TXNRD1: variants seen among roughly 807,000 people sequenced by gnomAD.
The protein encoded by TXNRD1 is thioredoxin reductase 1, cytoplasmic.
In TXNRD1, 57 loss-of-function variants were observed where a neutral mutation model predicts 80.3. The observed-to-expected ratio is 0.71, with a 90% CI of 0.57 to 0.89. The LOEUF is 0.89. Ranked by LOEUF, TXNRD1 falls within the 40% of genes least tolerant of loss-of-function variation. TXNRD1 has a pLI of 0.00. For synonymous variants in TXNRD1, 291 were observed against 285.2 expected (o/e 1.02, Z -0.20); for missense variants, 730 against 803.0 (o/e 0.91, Z 1.10).
chr12:104,327,912 A>G (rs1174679903), intron 13 of TXNRD1, among the ~76,000 whole-genome samples: 4 of 151,486 alleles, frequency 2.6e-5, no homozygotes, highest in Non-Finnish European at 4.4e-5. Context: ...TGTAATCCCA[A>G]TACTTTGGGA....
chr12:104,297,516 C>T (rs1423680270), intron 4 of TXNRD1, among the ~76,000 whole-genome samples: 1 of 151,966 alleles, frequency 6.6e-6, no homozygotes, highest in Non-Finnish European at 1.5e-5. Flanking sequence ...CAGGCATGCG[C>T]CACCACGTCT....
chr12:104,241,875 T>C (rs1056048775), intron 1 of TXNRD1, among the ~76,000 whole-genome samples: 4 of 151,412 alleles, frequency 2.6e-5, no homozygotes, highest in Non-Finnish European at 5.9e-5. Context: ...AAAGGTGATA[T>C]GCTAAGAAAA....
intron 1 of TXNRD1, chr12:104,224,862 C>T (rs1240052784): frequency 2.2e-6 from 1 of 456,694 alleles, no homozygotes; most frequent in Non-Finnish European, 4.4e-6. Context: ...CTCTCTGCCC[C>T]TGACTCACTG....
intron 1 of TXNRD1, among the ~76,000 whole-genome samples, chr12:104,238,615 A>C (rs995977738): frequency 3.9e-5 from 6 of 152,180 alleles, no homozygotes; most frequent in Non-Finnish European, 8.8e-5. Context: ...AGACTCTGTC[A>C]AATGTTTGTA....
At chr12:104,225,354 T>C (rs2032448245) in intron 1 of TXNRD1, among the ~76,000 whole-genome samples, 1 of 152,234 alleles carries the variant, frequency 6.6e-6, no homozygotes, top group African/African-American at 2.4e-5. Flanking sequence ...TGGAAGCTAG[T>C]GTACTTAACC....
intron 3 of TXNRD1, among the ~76,000 whole-genome samples, chr12:104,268,907 G>C (rs944154844): frequency 4.2e-4 from 61 of 143,830 alleles, no homozygotes; most frequent in African/African-American, 1.5e-3. Context: ...TAAATCCGTT[G>C]TTGTCATTTC....
In TXNRD1 at chr12:104,265,376, A is replaced by G. The variant is rs554739338; in HGVS notation, c.304+7297A>G. The G allele has an allele frequency of 5.2e-4, 836 of 1,608,050 alleles. 3 individuals carry two copies. In the East Asian group the frequency reaches 0.018, roughly 35 times the overall value. ...CGCTGCCTGCCCACCCCCAAATGCC[A>G]CACGCCGCCCCTCTACCGCATGCGA... On this transcript the variant is annotated intron_variant, in intron 3 of 16. Coordinates refer to ENST00000525566, the MANE Select transcript of TXNRD1 (RefSeq NM_001093771.3).
chr12:104,279,764 C>CA (rs1192923382), intron 3 of TXNRD1, among the ~76,000 whole-genome samples: 1 of 151,730 alleles, frequency 6.6e-6, no homozygotes, highest in Non-Finnish European at 1.5e-5. Context: ...TTAGACAAAC[C>CA]AAAAAAACCA....
At chr12:104,251,137 T>C (rs968331813) in intron 1 of TXNRD1, among the ~76,000 whole-genome samples, 2 of 152,174 alleles carry the variant, frequency 1.3e-5, no homozygotes, top group African/African-American at 4.8e-5. Context: ...AGGGTTGTGT[T>C]GGAAGGGGAC....
chr12:104,253,288 AT>A (rs2033170472), intron 2 of TXNRD1, among the ~76,000 whole-genome samples: 1 of 152,162 alleles, frequency 6.6e-6, no homozygotes, highest in African/African-American at 2.4e-5. Flanking sequence ...TCCTGAACAC[AT>A]TCTGCATCGA....
intron 14 of TXNRD1, among the ~76,000 whole-genome samples, chr12:104,332,622 G>A (rs1193755461): frequency 2.0e-5 from 3 of 151,824 alleles, no homozygotes; most frequent in Middle Eastern, 3.2e-3. Context: ...GGTGGTGCAT[G>A]CCTGTAATCC....
chr12:104,325,078 C>T lies in TXNRD1; in HGVS notation c.1216-259C>T, dbSNP rs535965986. Among the ~76,000 whole-genome samples the T allele has an allele frequency of 7.2e-5, 11 of 152,156 alleles. 1 individual carries two copies. In the South Asian group the frequency reaches 1.9e-3, roughly 26 times the overall value. On this transcript the variant is annotated intron_variant, in intron 10 of 16. Transcript: ENST00000525566. ...AGTGTGCTTTCTGTAGCTTGCTTTT[C>T]CCCCCCATTTTTCTCTGAATTTTAT...
At chr12:104,244,319 A>T (rs1175830247) in intron 1 of TXNRD1, among the ~76,000 whole-genome samples, 1 of 152,162 alleles carries the variant, frequency 6.6e-6, no homozygotes, top group East Asian at 1.9e-4. Context: ...TCCTTTAGTA[A>T]TCCCTTTACT....
At position 104,308,185 on chromosome 12, in the gene TXNRD1, C is replaced by T. The variant is rs764131158; in HGVS notation, c.415-3105C>T. 1.4e-4 allele frequency among the ~76,000 whole-genome samples: 22 copies of T among 152,100 alleles called. 2 individuals carry two copies. The highest frequency in any genetic ancestry group is 9.2e-4 in the Admixed American group (14 of 15,256). On this transcript the variant is annotated intron_variant, in intron 4 of 16. Transcript: ENST00000525566. ...TAATTTTTTATATTTGTAGTAGAGA[C>T]GGGGTTTCACCGTGTTAGCCAGGAT...
intron 1 of TXNRD1, among the ~76,000 whole-genome samples, chr12:104,217,318 G>GTT (rs59546712): frequency 7.9e-6 from 1 of 126,132 alleles, no homozygotes; most frequent in African/African-American, 3.0e-5. Context: ...TAACAATTTT[G>GTT]TTTTTTTTTT....
rs1218535411 is a variant in TXNRD1 at position 104,231,251 on chromosome 12, A to G, written c.91+15358A>G. The stretch of plus-strand genomic sequence containing the variant: ...TAACTGCTGTTAGGGGGTTTTGGGC[A>G]ACAACTATTTCTGGCTACTTCCTGC... On this transcript the variant is annotated intron_variant, in intron 1 of 16. Transcript: ENST00000525566. Among the ~76,000 whole-genome samples, 7 of 152,272 alleles carry G rather than the reference A, an allele frequency of 4.6e-5. 1 individual carries two copies. In the East Asian group the frequency reaches 1.2e-3, roughly 25 times the overall value.
intron 1 of TXNRD1, among the ~76,000 whole-genome samples, chr12:104,231,759 G>T (rs1464815812): frequency 1.3e-5 from 2 of 152,142 alleles, no homozygotes; most frequent in Non-Finnish European, 2.9e-5. Context: ...TCATTACCTG[G>T]CAGAATTTGC....
chr12:104,287,990 TTTTG>T (rs914306652), intron 3 of TXNRD1, among the ~76,000 whole-genome samples: 17 of 152,294 alleles, frequency 1.1e-4, no homozygotes, highest in Admixed American at 2.6e-4. Flanking sequence ...TGTTGGTTTT[TTTTG>T]TTTGTTTGTT....
At chr12:104,340,576 ATCCTTGGCGT>A (rs2036288415) in intron 16 of TXNRD1, among the ~76,000 whole-genome samples, 1 of 152,154 alleles carries the variant, frequency 6.6e-6, no homozygotes, top group Non-Finnish European at 1.5e-5. Context: ...AGCAATGGCA[ATCCTTGGCGT>A]TCCTTGGCTT....
Sources: gnomAD v4.1 joint callset for allele counts (sites outside exome capture counted in the v4.1 genomes callset) on GRCh38, gnomAD v4.1.1 for gene constraint, MANE v1.5 for transcripts, NCBI Gene and HGNC (gene_info 2026-07-23, HGNC 2026-07-21) for gene names.